GDAP1: variants seen among roughly 807,000 people sequenced by gnomAD.
The protein encoded by GDAP1 is ganglioside induced differentiation associated protein 1, also known as ganglioside-induced differentiation-associated protein 1.
A neutral mutation model predicts 40.1 loss-of-function variants in GDAP1; 34 were observed. The observed-to-expected ratio is 0.85, with a 90% CI of 0.64 to 1.13. The LOEUF (loss-of-function observed/expected upper bound fraction) is 1.13. Ranked by LOEUF, GDAP1 falls within the 50% of genes most tolerant of loss-of-function variation. The pLI is 0.00. For missense variants in GDAP1, 374 were observed against 433.7 expected (o/e 0.86, Z 1.22); for synonymous variants, 170 against 157.4 (o/e 1.08, Z -0.60).
intron 2 of GDAP1, among the ~76,000 whole-genome samples, chr8:74,461,378 CAT>C (rs1806398893): frequency 6.6e-6 from 1 of 152,168 alleles, no homozygotes; most frequent in South Asian, 2.1e-4. Context: ...AGTTTTAACA[CAT>C]AAATTCTTTA....
chr8:74,418,824 A>C (rs1345271150), intron 2 of GDAP1, among the ~76,000 whole-genome samples: 1 of 151,238 alleles, frequency 6.6e-6, no homozygotes, highest in Non-Finnish European at 1.5e-5. Context: ...AACAACTATC[A>C]AATGCAACAA....
intron 2 of GDAP1, among the ~76,000 whole-genome samples, chr8:74,395,680 A>G (rs1184295776): frequency 1.3e-5 from 2 of 152,298 alleles, no homozygotes; most frequent in Admixed American, 6.5e-5. Flanking sequence ...AAACTCTAAC[A>G]TGGGAGTGGA....
intron 2 of GDAP1, among the ~76,000 whole-genome samples, chr8:74,423,635 G>A (rs1042150375): frequency 6.6e-6 from 1 of 151,784 alleles, no homozygotes. Flanking sequence ...GGATGCAAAC[G>A]TGGGGTATCC....
At chr8:74,373,403 T>TGAATAGGAGTGGTGAGAGAGGGCATC (rs1809790120) in intron 2 of GDAP1, among the ~76,000 whole-genome samples, 1 of 152,198 alleles carries the variant, frequency 6.6e-6, no homozygotes, top group African/African-American at 2.4e-5. Flanking sequence ...GGAATGTTCT[T>TGAATAGGAGTGGTGAGAGAGGGCATC]CCATTTGTTT....
rs1280202423 is a variant in GDAP1 at position 74,366,477 on chromosome 8, G to T, written c.*2110G>T. 2.2e-6 allele frequency: 1 copy of T among 454,454 alleles called. No homozygotes were observed. Among genetic ancestry groups the T allele is most frequent in the Non-Finnish European group, 4.4e-6 (1 of 226,746 alleles). 28.2% of individuals were successfully genotyped at this position (454,454 alleles called of 1,614,324 possible). A position where few individuals can be genotyped will look rare whatever the true frequency, so the allele number is the denominator to read the frequency against. ...TTCCAGTGCTTTGAAAGGGATTACA[G>T]TATCACACAATGTCAAGCTAGAGTT... is the stretch of plus-strand genomic sequence containing the variant. On this transcript the variant is annotated 3_prime_UTR_variant, in exon 6 of 6. Transcript: ENST00000220822.
chr8:74,394,874 G>C (rs1810169850), intron 2 of GDAP1, among the ~76,000 whole-genome samples: 1 of 152,188 alleles, frequency 6.6e-6, no homozygotes, highest in Non-Finnish European at 1.5e-5. Context: ...ACCAGGTCAT[G>C]TCAGGAAGTA....
At chr8:74,432,420 A>G (rs1806039467) in intron 2 of GDAP1, among the ~76,000 whole-genome samples, 1 of 152,140 alleles carries the variant, frequency 6.6e-6, no homozygotes, top group Non-Finnish European at 1.5e-5. Context: ...TATGCTTATA[A>G]TATTTGTCAC....
At chr8:74,385,131 C>G (rs1253448420) in intron 2 of GDAP1, among the ~76,000 whole-genome samples, 3 of 151,922 alleles carry the variant, frequency 2.0e-5, no homozygotes, top group African/African-American at 7.3e-5. Flanking sequence ...ATTACCAAAC[C>G]CAAGTCGCTT....
intron 2 of GDAP1, among the ~76,000 whole-genome samples, chr8:74,408,487 T>A (rs746902334): frequency 6.7e-6 from 1 of 150,076 alleles, no homozygotes; most frequent in Non-Finnish European, 1.5e-5. Context: ...TAAAAGAGGC[T>A]TCAGAGAGCT....
intron 2 of GDAP1, among the ~76,000 whole-genome samples, chr8:74,465,207 C>T (rs558903245): frequency 5.3e-5 from 8 of 151,838 alleles, no homozygotes; most frequent in South Asian, 4.2e-4. Flanking sequence ...GGTGACAGAG[C>T]GAGACTCCTC....
At chr8:74,405,980 G>C (rs1303734852) in intron 2 of GDAP1, among the ~76,000 whole-genome samples, 1 of 150,020 alleles carries the variant, frequency 6.7e-6, no homozygotes, top group African/African-American at 2.5e-5. Flanking sequence ...GTTTCCACAT[G>C]GGAGATTTTC....
In GDAP1 at chr8:74,406,688, G is replaced by T. The variant is rs777813387; in HGVS notation, c.165+55367G>T. Among the ~76,000 whole-genome samples the T allele has an allele frequency of 2.7e-5, 4 of 149,954 alleles. 1 individual carries two copies. The highest frequency in any genetic ancestry group is 1.0e-4 in the African/African-American group (4 of 39,322). ...TCTCTCCCACTTATTTTTCTACTTG[G>T]TGACATTTATAAATGGTGAAGTTTG... On this transcript the variant is annotated intron_variant, in intron 2 of 2. Coordinates refer to the GDAP1 transcript ENST00000523640.
intron 2 of GDAP1, among the ~76,000 whole-genome samples, chr8:74,488,172 A>G (rs1465817640): frequency 6.6e-6 from 1 of 152,226 alleles, no homozygotes; most frequent in Non-Finnish European, 1.5e-5. Context: ...GTTAAAAATT[A>G]TTAAACTAGC....
chr8:74,488,156 A>G (rs1049098959), intron 2 of GDAP1, among the ~76,000 whole-genome samples: 1 of 152,198 alleles, frequency 6.6e-6, no homozygotes, highest in Non-Finnish European at 1.5e-5. Context: ...AAGTCTAATT[A>G]TTAAAGTTAA....
At chr8:74,459,071 G>A (rs147690657) in intron 2 of GDAP1, among the ~76,000 whole-genome samples, 11 of 152,272 alleles carry the variant, frequency 7.2e-5, no homozygotes, top group Non-Finnish European at 1.3e-4. Context: ...AACTGGGTCT[G>A]ATAGTGAATT....
At chr8:74,409,942 T>C (rs1237654572) in intron 2 of GDAP1, among the ~76,000 whole-genome samples, 3 of 150,024 alleles carry the variant, frequency 2.0e-5, no homozygotes, top group Non-Finnish European at 2.9e-5. Flanking sequence ...TGGCACCCAA[T>C]TAAAGCCTTC....
At position 74,364,891 on chromosome 8, in the gene GDAP1, C is replaced by T. The variant is rs1214907321; in HGVS notation, c.*524C>T. ...TTTAGTAAGATTAAGTGCTTATATA[C>T]TAGAAATTTGATGCTCATTGGAACA... is the stretch of plus-strand genomic sequence containing the variant. On this transcript the variant is annotated 3_prime_UTR_variant, in exon 6 of 6. Transcript: ENST00000220822. 4.4e-6 allele frequency: 2 copies of T among 454,136 alleles called. No homozygotes were observed. The highest frequency in any genetic ancestry group is 3.1e-5 in the South Asian group (2 of 64,476). The allele number at this position is 454,136 out of a possible 1,614,324, so 28.1% of individuals were successfully genotyped here.
intron 2 of GDAP1, among the ~76,000 whole-genome samples, chr8:74,467,370 T>C (rs1806483333): frequency 6.6e-6 from 1 of 152,190 alleles, no homozygotes; most frequent in South Asian, 2.1e-4. Context: ...CTTCCCTGGT[T>C]CAAGTGTGGA....
chr8:74,470,830 C>T (rs1200332624), intron 2 of GDAP1, among the ~76,000 whole-genome samples: 1 of 152,236 alleles, frequency 6.6e-6, no homozygotes, highest in Non-Finnish European at 1.5e-5. Context: ...AATCGCCACA[C>T]TGACTTCCAC....
Sources: allele counts gnomAD v4.1 joint callset (sites outside exome capture counted in the v4.1 genomes callset), GRCh38; gene constraint gnomAD v4.1.1; transcripts MANE v1.5; gene names NCBI Gene and HGNC (gene_info 2026-07-23, HGNC 2026-07-21).